MCU: variants seen among roughly 807,000 people sequenced by gnomAD.
MCU encodes the protein calcium uniporter protein, mitochondrial.
In MCU, 12 loss-of-function variants were observed where a neutral mutation model predicts 45.2. The ratio of observed to expected loss-of-function variants is 0.27; its 90% CI spans 0.17 to 0.43. The LOEUF (loss-of-function observed/expected upper bound fraction) is 0.43. Among genes scored for constraint, MCU ranks in the 20% least tolerant of loss-of-function variants. The pLI is 1.00. For missense variants in MCU, 324 were observed against 436.7 expected (o/e 0.74, Z 2.30); for synonymous variants, 160 against 165.1 (o/e 0.97, Z 0.24).
intron 1 of MCU, among the ~76,000 whole-genome samples, chr10:72,812,080 A>G (rs1264277693): frequency 1.8e-5 from 2 of 108,666 alleles, no homozygotes; most frequent in Non-Finnish European, 4.6e-5. Flanking sequence ...GGATGTTTAT[A>G]GTGCTTTTTT....
chr10:72,741,952 C>T (rs892761482), intron 1 of MCU, among the ~76,000 whole-genome samples: 6 of 142,244 alleles, frequency 4.2e-5, no homozygotes, highest in East Asian at 2.5e-4. Context: ...GGCGTGAACC[C>T]GGGAGGCGGA....
chr10:72,816,651 C>T (rs1214101458), intron 1 of MCU, among the ~76,000 whole-genome samples: 1 of 152,144 alleles, frequency 6.6e-6, no homozygotes, highest in Non-Finnish European at 1.5e-5. Context: ...TGGTGGCAAG[C>T]ACCACCAGCT....
At chr10:72,706,603 T>C (rs1415121626) in intron 1 of MCU, among the ~76,000 whole-genome samples, 1 of 151,870 alleles carries the variant, frequency 6.6e-6, no homozygotes, top group Non-Finnish European at 1.5e-5. Flanking sequence ...AGTGGCGTGA[T>C]CTCGGCTTAC....
At chr10:72,713,267 G>A (rs1286949379) in intron 1 of MCU, among the ~76,000 whole-genome samples, 1 of 152,102 alleles carries the variant, frequency 6.6e-6, no homozygotes, top group African/African-American at 2.4e-5. Flanking sequence ...TCCAGTAATG[G>A]GAGAGTTTTT....
chr10:72,869,506 TG>T (rs1443499949), intron 5 of MCU, among the ~76,000 whole-genome samples: 1 of 152,222 alleles, frequency 6.6e-6, no homozygotes, highest in African/African-American at 2.4e-5. Context: ...GAGAATCACT[TG>T]AACCTGGGAG....
intron 1 of MCU, among the ~76,000 whole-genome samples, chr10:72,791,240 A>G (rs1403893861): frequency 1.3e-5 from 2 of 152,214 alleles, no homozygotes; most frequent in African/African-American, 4.8e-5. Context: ...GAATGACTAT[A>G]GTGTCTTAAA....
chr10:72,757,567 T>G (rs1281594017), intron 1 of MCU, among the ~76,000 whole-genome samples: 1 of 151,016 alleles, frequency 6.6e-6, no homozygotes, highest in Non-Finnish European at 1.5e-5. Context: ...GCCATAAAAA[T>G]TGGAGTAACA....
At chr10:72,820,443 A>G (rs1356875351) in intron 1 of MCU, among the ~76,000 whole-genome samples, 1 of 151,678 alleles carries the variant, frequency 6.6e-6, no homozygotes, top group Non-Finnish European at 1.5e-5. Flanking sequence ...ATTTGTCAAA[A>G]TTGCTCCGAC....
intron 1 of MCU, among the ~76,000 whole-genome samples, chr10:72,798,216 G>A (rs1469612442): frequency 6.6e-6 from 1 of 152,160 alleles, no homozygotes; most frequent in Admixed American, 6.6e-5. Flanking sequence ...ATTACTCAGT[G>A]GGATAGTTTT....
intron 1 of MCU, among the ~76,000 whole-genome samples, chr10:72,754,102 C>T (rs888998435): frequency 3.9e-5 from 6 of 152,122 alleles, no homozygotes; most frequent in African/African-American, 1.4e-4. Context: ...AAAGTTACCC[C>T]CTGTGGTGAA....
intron 1 of MCU, among the ~76,000 whole-genome samples, chr10:72,800,465 C>T (rs1316372432): frequency 5.3e-5 from 8 of 151,984 alleles, no homozygotes; most frequent in African/African-American, 1.9e-4. Flanking sequence ...ACTTTTGGTC[C>T]CAAGGATTTT....
At chr10:72,738,608 G>A (rs1267277542) in intron 1 of MCU, among the ~76,000 whole-genome samples, 4 of 152,298 alleles carry the variant, frequency 2.6e-5, no homozygotes, top group Admixed American at 1.3e-4. Flanking sequence ...CAAAGGAAAT[G>A]TTATGTAAAA....
intron 1 of MCU, among the ~76,000 whole-genome samples, chr10:72,813,458 T>TG (rs1844575955): frequency 7.5e-6 from 1 of 134,166 alleles, no homozygotes; most frequent in Non-Finnish European, 1.6e-5. Flanking sequence ...CTCTTTTTTT[T>TG]TTTTTTTTTT....
chr10:72,874,531 A>G (rs778198075), intron 6 of MCU, among the ~76,000 whole-genome samples: 7 of 152,312 alleles, frequency 4.6e-5, no homozygotes, highest in East Asian at 3.9e-4. Flanking sequence ...GTCACAGCCT[A>G]TTTGTGTTTG....
At chr10:72,799,771 T>A (rs1844311299) in intron 1 of MCU, among the ~76,000 whole-genome samples, 2 of 152,208 alleles carry the variant, frequency 1.3e-5, no homozygotes, top group South Asian at 4.1e-4. Context: ...TTATTAAGAT[T>A]AAACTTTTTT....
chr10:72,844,808 G>C (rs897465586), intron 2 of MCU, among the ~76,000 whole-genome samples: 1 of 152,074 alleles, frequency 6.6e-6, no homozygotes. Flanking sequence ...AAAATAAAAT[G>C]TAAGACATTT....
chr10:72,882,869 C>T (rs564585612), intron 6 of MCU, among the ~76,000 whole-genome samples: 11 of 152,244 alleles, frequency 7.2e-5, no homozygotes, highest in East Asian at 1.9e-4. Context: ...TGGGGCATCA[C>T]GGAACCTACC....
intron 6 of MCU, among the ~76,000 whole-genome samples, chr10:72,876,994 T>C (rs569199070): frequency 6.6e-6 from 1 of 150,828 alleles, no homozygotes; most frequent in Admixed American, 6.7e-5. Flanking sequence ...TAATCACAGC[T>C]CACTGAAGCA....
rs190193868 is a variant in MCU, at chr10:72,855,972, C to G, written c.221-3205C>G. ...TCATAAAAGCTTTATTCATAGTAGCCAAAACCTGGAAACAACCCAGATGTT... is the reference window on the plus strand; with the variant it reads ...TCATAAAAGCTTTATTCATAGTAGCGAAAACCTGGAAACAACCCAGATGTT... On this transcript the variant is annotated intron_variant, in intron 2 of 7. Transcript: ENST00000373053. 2.9e-3 allele frequency among the ~76,000 whole-genome samples: 442 copies of G among 152,240 alleles called. 2 individuals are homozygous for G. Among genetic ancestry groups the G allele is most frequent in the African/African-American group, 0.01 (416 of 41,540 alleles).
Sources: allele counts gnomAD v4.1 joint callset (sites outside exome capture counted in the v4.1 genomes callset), GRCh38; gene constraint gnomAD v4.1.1; transcripts MANE v1.5; gene names NCBI Gene and HGNC (gene_info 2026-07-23, HGNC 2026-07-21).